The following TTBK2 variants were observed in gnomAD, a reference collection of about 807,000 sequenced individuals.
The protein encoded by TTBK2 is tau-tubulin kinase 2.
Under a neutral mutation model 110.8 loss-of-function variants are expected in TTBK2, and 28 were observed. That is an observed-to-expected ratio of 0.25 (90% CI 0.19 to 0.35). The LOEUF (loss-of-function observed/expected upper bound fraction) is 0.35. Ranked by LOEUF, TTBK2 falls within the 10% of genes least tolerant of loss-of-function variation. The probability of loss-of-function intolerance (pLI) is 1.00; values close to 1 mark genes in which losing one functional copy is unlikely to be tolerated. For missense variants in TTBK2, 1,369 were observed against 1,500.3 expected, an observed-to-expected ratio of 0.91 and a Z score of 1.45; for synonymous variants, 532 against 527.3, an observed-to-expected ratio of 1.01 and a Z score of -0.12.
chr15:42,768,683 C>T (rs996744550), intron 13 of TTBK2, among the ~76,000 whole-genome samples: 2 of 152,132 alleles, frequency 1.3e-5, no homozygotes, highest in Admixed American at 1.3e-4. Context: ...GGCCATACTG[C>T]CCAAGGTAAT....
intron 1 of TTBK2, among the ~76,000 whole-genome samples, chr15:42,912,639 A>C (rs1403999827): frequency 1.3e-5 from 2 of 151,678 alleles, no homozygotes; most frequent in Non-Finnish European, 2.9e-5. Flanking sequence ...TGAACCCGGG[A>C]GGCGGAGGTT....
chr15:42,823,801 C>G (rs974870024), intron 6 of TTBK2, among the ~76,000 whole-genome samples: 5 of 151,208 alleles, frequency 3.3e-5, no homozygotes, highest in Middle Eastern at 3.4e-3. Context: ...CAAGACAATT[C>G]TTCTTCTTCC....
chr15:42,771,312 C>T lies in TTBK2; in HGVS notation c.1998+3823G>A, dbSNP rs542374578. Among the ~76,000 whole-genome samples the T allele has an allele frequency of 1.2e-4, 19 of 152,148 alleles. No homozygotes were observed. In the South Asian group the frequency reaches 3.7e-3, roughly 30 times the overall value. ...ACCTTCCCAGAAAGATTTTTAATTA[C>T]CATGCTAAAAAAAAATTAGTTGAGA... On this transcript the variant is annotated intron_variant, in intron 13 of 14. Transcript: ENST00000267890.
intron 8 of TTBK2, among the ~76,000 whole-genome samples, chr15:42,811,201 C>T (rs1891707279): frequency 6.6e-6 from 1 of 152,046 alleles, no homozygotes; most frequent in African/African-American, 2.4e-5. Context: ...ACTATGTTAT[C>T]CAGCCTGGTC....
At chr15:42,782,816 G>T (rs757307498) in intron 11 of TTBK2, among the ~76,000 whole-genome samples, 1 of 152,136 alleles carries the variant, frequency 6.6e-6, no homozygotes, top group Non-Finnish European at 1.5e-5. Context: ...TCCATGTCAA[G>T]CGCCACTTCA....
rs1172708152 is a variant in TTBK2, at chr15:42,742,468, T to C, written c.*3327A>G. 6.6e-6 allele frequency: 1 copy of C among 152,238 alleles called. No homozygotes were observed. Among genetic ancestry groups the C allele is most frequent in the Non-Finnish European group, 1.5e-5 (1 of 68,048 alleles). 9.4% of individuals were successfully genotyped at this position (152,238 alleles called of 1,614,324 possible). A position where few individuals can be genotyped will look rare whatever the true frequency, so the allele number is the denominator to read the frequency against. ...TCACTATACACTAAAATTAAACGCC[T>C]CTACGCTGTGCAAGAAATCACTATG... On this transcript the variant is annotated 3_prime_UTR_variant, in exon 15 of 15. Coordinates refer to ENST00000267890, the MANE Select transcript of TTBK2 (RefSeq NM_173500.4).
At chr15:42,784,592 T>A (rs541898386) in intron 10 of TTBK2, among the ~76,000 whole-genome samples, 1 of 152,292 alleles carries the variant, frequency 6.6e-6, no homozygotes, top group African/African-American at 2.4e-5. Flanking sequence ...AGAGAATTTT[T>A]AAAAATTCTA....
chr15:42,777,326 T>C (rs1054540896), intron 11 of TTBK2, 84 bp from the exon 12 acceptor site: 1 of 1,363,264 alleles, frequency 7.3e-7, no homozygotes, highest in Non-Finnish European at 1.0e-6. Context: ...CAAAATAATA[T>C]AAATAAATGA....
intron 5 of TTBK2, among the ~76,000 whole-genome samples, chr15:42,829,157 T>C (rs1157327405): frequency 6.6e-6 from 1 of 152,198 alleles, no homozygotes; most frequent in African/African-American, 2.4e-5. Flanking sequence ...TACCAACATA[T>C]GATACATTTA....
At chr15:42,890,236 A>G (rs966470058) in intron 1 of TTBK2, among the ~76,000 whole-genome samples, 7 of 152,234 alleles carry the variant, frequency 4.6e-5, no homozygotes, top group African/African-American at 1.7e-4. Flanking sequence ...ACTAATGATA[A>G]TCCCACAACC....
chr15:42,897,031 A>G (rs1289629721), intron 1 of TTBK2, among the ~76,000 whole-genome samples: 1 of 151,886 alleles, frequency 6.6e-6, no homozygotes, highest in Non-Finnish European at 1.5e-5. Flanking sequence ...GGCGCCTGCC[A>G]CCACACCTGG....
chr15:42,834,584 T>G lies in TTBK2; in HGVS notation c.292-4506A>C, dbSNP rs549709998. Among the ~76,000 whole-genome samples, 30 of 151,968 alleles carry G rather than the reference T, an allele frequency of 2.0e-4. 1 individual carries two copies. On this transcript the variant is annotated intron_variant, in intron 4 of 14. Coordinates refer to ENST00000267890, the MANE Select transcript of TTBK2 (RefSeq NM_173500.4). ...TAACAAAATGAATCCAGATCCAACATGAAAGAAGCCCCTGTAGCAAAAGAT... is the reference window on the plus strand; with the variant it reads ...TAACAAAATGAATCCAGATCCAACAGGAAAGAAGCCCCTGTAGCAAAAGAT...
chr15:42,841,949 A>G (rs1893238319), intron 3 of TTBK2, among the ~76,000 whole-genome samples: 1 of 152,216 alleles, frequency 6.6e-6, no homozygotes, highest in Non-Finnish European at 1.5e-5. Context: ...AGAGCTCCAG[A>G]TGTACACTGA....
At chr15:42,791,655 A>G (rs1040952251) in intron 10 of TTBK2, among the ~76,000 whole-genome samples, 2 of 152,168 alleles carry the variant, frequency 1.3e-5, no homozygotes, top group South Asian at 2.1e-4. Flanking sequence ...TCCTCTCCCA[A>G]TAAGGTCTGA....
intron 9 of TTBK2, among the ~76,000 whole-genome samples, chr15:42,809,049 CT>C (rs1891596579): frequency 6.6e-6 from 1 of 152,210 alleles, no homozygotes; most frequent in Non-Finnish European, 1.5e-5. Flanking sequence ...AAAGCTCAGG[CT>C]TTTGAAACCT....
chr15:42,772,835 C>T (rs1425945052), intron 13 of TTBK2, among the ~76,000 whole-genome samples: 1 of 152,090 alleles, frequency 6.6e-6, no homozygotes, highest in Non-Finnish European at 1.5e-5. Context: ...AATCCCAGCA[C>T]TTTGGGAGGC....
At position 42,764,513 on chromosome 15, in the gene TTBK2, C is replaced by G. The variant is rs147604858; in HGVS notation, c.1998+10622G>C. On this transcript the variant is annotated intron_variant, in intron 13 of 14. Coordinates refer to ENST00000267890, the MANE Select transcript of TTBK2 (RefSeq NM_173500.4). The stretch of plus-strand genomic sequence containing the variant: ...GGAGCCTTGCTCACTGCTAGCGCAG[C>G]AGTCTGAGATCAACTTGTGAGGCAG... 2.9e-4 allele frequency among the ~76,000 whole-genome samples: 44 copies of G among 152,398 alleles called. No homozygotes were observed. The East Asian group carries it at 7.7e-3, about 27-fold the overall frequency.
intron 1 of TTBK2, among the ~76,000 whole-genome samples, chr15:42,884,202 C>T (rs1037997007): frequency 5.3e-5 from 8 of 152,196 alleles, no homozygotes; most frequent in African/African-American, 1.9e-4. Flanking sequence ...GAAGACTTCA[C>T]TCTTTTCCCA....
chr15:42,802,530 A>G, intron 9 of TTBK2: 1 of 458,166 alleles, frequency 2.2e-6, no homozygotes, highest in South Asian at 2.7e-5. Flanking sequence ...GGTAAAGAAA[A>G]AAATTTAACT....
Sources: allele counts gnomAD v4.1 joint callset (sites outside exome capture counted in the v4.1 genomes callset), GRCh38; gene constraint gnomAD v4.1.1; transcripts MANE v1.5; gene names NCBI Gene and HGNC (gene_info 2026-07-23, HGNC 2026-07-21).